Variants in FHIP2B observed in about 807,000 individuals in gnomAD.
The protein encoded by FHIP2B is FHF complex subunit HOOK interacting protein 2B, also known as FHF complex subunit HOOK-interacting protein 2B.
In FHIP2B, 72 loss-of-function variants were observed where a neutral mutation model predicts 84.0. That is an observed-to-expected ratio of 0.86 (90% CI 0.71 to 1.04). FHIP2B has a LOEUF of 1.04. Ranked by LOEUF, FHIP2B falls within the 50% of genes least tolerant of loss-of-function variation. The pLI is 0.00. For synonymous variants in FHIP2B, 497 were observed against 418.7 expected, an observed-to-expected ratio of 1.19 and a Z score of -2.28; for missense variants, 972 against 968.9, an observed-to-expected ratio of 1.00 and a Z score of -0.04.
intron 1 of FHIP2B, 135 bp downstream of exon 1, chr8:22,089,433 G>T (rs1586304053): frequency 5.6e-6 from 2 of 358,464 alleles, no homozygotes; most frequent in East Asian, 3.3e-4. Flanking sequence ...CCGGGCCGCG[G>T]CGCCCCTTCC....
chr8:22,089,911 G>T lies in FHIP2B; in HGVS notation c.45+613G>T, dbSNP rs116038426. 4,493 of 1,154,428 alleles carry T rather than the reference G, an allele frequency of 3.9e-3. 95 individuals carry two copies. The African/African-American group carries it at 0.059, about 15-fold the overall frequency. The allele number at this position is 1,154,428 out of a possible 1,614,324, so 71.5% of individuals were successfully genotyped here. The stretch of plus-strand genomic sequence containing the variant: ...AGCCGGGGAAATCGCCTTCTATTGG[G>T]TGCAGATGTTTCCAGCGTGGCTGTG... On this transcript the variant is annotated intron_variant, in intron 1 of 16. Transcript: ENST00000289921.
rs776802768 is a variant in FHIP2B at position 22,103,316 on chromosome 8, C to T, written c.*385C>T. On this transcript the variant is annotated 3_prime_UTR_variant, in exon 17 of 17. Transcript: ENST00000289921. ...GGGGAGTGAGCTGATGGCTCCGAGACTGGTCAGGAGCCCAGGCCAGTGAGA... is the reference window on the plus strand; with the variant it reads ...GGGGAGTGAGCTGATGGCTCCGAGATTGGTCAGGAGCCCAGGCCAGTGAGA... 1.0e-4 allele frequency: 20 copies of T among 197,658 alleles called. No homozygotes were observed. The highest frequency in any genetic ancestry group is 3.3e-4 in the Admixed American group (6 of 18,296). 12.2% of individuals were successfully genotyped at this position (197,658 alleles called of 1,614,324 possible). A position where few individuals can be genotyped will look rare whatever the true frequency, so the allele number is the denominator to read the frequency against.
chr8:22,102,758 C>T (rs753978864), intron 16 of FHIP2B, 35 bp from the exon 17 acceptor site: 30 of 1,610,138 alleles, frequency 1.9e-5, no homozygotes, highest in Non-Finnish European at 2.4e-5. Flanking sequence ...GTCCTGCCCC[C>T]ACCCAGCCAT....
At position 22,103,067 on chromosome 8, in the gene FHIP2B, T is replaced by C. The variant is rs1253073532; in HGVS notation, c.*136T>C. 5 of 1,150,472 alleles carry C rather than the reference T, an allele frequency of 4.3e-6. No individual in the cohort carries two copies. The East Asian group carries it at 7.8e-5, about 18-fold the overall frequency. 71.3% of individuals were successfully genotyped at this position (1,150,472 alleles called of 1,614,324 possible). A position where few individuals can be genotyped will look rare whatever the true frequency, so the allele number is the denominator to read the frequency against. ...CTCACTCAAGGAGACTGCGGCATGT[T>C]GACCACACCAGACTGGGTTTCAGGG... On this transcript the variant is annotated 3_prime_UTR_variant, in exon 17 of 17. Transcript: ENST00000289921.
At chr8:22,100,512 C>T in intron 10 of FHIP2B, 82 bp from the exon 11 acceptor site, 7 of 1,406,290 alleles carry the variant, frequency 5.0e-6, no homozygotes, top group Non-Finnish European at 6.5e-6. Context: ...GAGGTCTTTT[C>T]TTATCTGGGT....
At position 22,102,515 on chromosome 8, in the gene FHIP2B, A is replaced by G; in HGVS notation, c.1993-13A>G. 6.4e-7 allele frequency: 1 copy of G among 1,553,408 alleles called. No homozygotes were observed. Among genetic ancestry groups the G allele is most frequent in the African/African-American group, 1.4e-5 (1 of 73,240 alleles). ...GCTGGCCCCATCTGAGTCCCCTGTG[A>G]TTCCCGCTGTAGGTGATCGGGGACT... On this transcript the variant is annotated splice_polypyrimidine_tract_variant and intron_variant, in intron 15 of 16. Transcript: ENST00000289921.
At chr8:22,099,182 C>A in intron 8 of FHIP2B, 102 bp from the exon 9 acceptor site, 1 of 1,520,904 alleles carries the variant, frequency 6.6e-7, no homozygotes. Flanking sequence ...CCAGGCGGGC[C>A]GGGACCCTCT....
At chr8:22,102,411 G>GC (rs1554577693) in intron 15 of FHIP2B, 96 bp downstream of exon 15, 35 of 586,884 alleles carry the variant, frequency 6.0e-5, no homozygotes, top group Non-Finnish European at 1.0e-4. Flanking sequence ...GGAGGGGTGG[G>GC]CACCCTTGCC....
At chr8:22,100,081 TA>T (rs1195977289) in intron 10 of FHIP2B, 188 bp downstream of exon 10, 306 of 351,666 alleles carry the variant, frequency 8.7e-4, no homozygotes, top group Non-Finnish European at 1.1e-3. Flanking sequence ...TTTTTTTTTT[TA>T]AAGAGACAGG....
In FHIP2B at chr8:22,102,333, C is replaced by T. The variant is rs752371757; in HGVS notation, c.1992+18C>T. 2.5e-6 allele frequency: 4 copies of T among 1,609,044 alleles called. No homozygotes were observed. The South Asian group carries it at 3.3e-5, about 13-fold the overall frequency. ...TGGTGAGGGTGAGGACGCCTCGGCC[C>T]AAGGGAGTGTGCCTAGTGAGGTGGA... On this transcript the variant is annotated intron_variant, in intron 15 of 16. Transcript: ENST00000289921.
intron 8 of FHIP2B, 52 bp downstream of exon 8, chr8:22,099,108 T>A: frequency 6.6e-7 from 1 of 1,519,176 alleles, no homozygotes; most frequent in Non-Finnish European, 8.9e-7. Flanking sequence ...CTGTACCATC[T>A]CCATCTCGAG....
intron 1 of FHIP2B, among the ~76,000 whole-genome samples, chr8:22,093,885 T>A (rs571318315): frequency 6.6e-6 from 1 of 151,910 alleles, no homozygotes; most frequent in South Asian, 2.1e-4. Flanking sequence ...GTCCTGCTAG[T>A]TTTTAAATTG....
Position 22,100,594 on chromosome 8 carries a change from A to T in FHIP2B, c.1342A>T (p.Ile448Phe). The change falls in exon 11 of 17, where the codon ATC (isoleucine) becomes TTC (phenylalanine). Residue 448 changes from isoleucine (I) to phenylalanine (F), a missense_variant and splice_region_variant. Coordinates refer to ENST00000289921, the MANE Select transcript of FHIP2B (RefSeq NM_022749.7). ...IGHCDHLSDE[I>F]SITTLRLFEE... Reference sequence around the variant, plus strand: ...CCTGCCGACCCCCTTCCTGCTCCAGATCAGCATCACCACACTCCGGCTGTT... The same window carrying T: ...CCTGCCGACCCCCTTCCTGCTCCAGTTCAGCATCACCACACTCCGGCTGTT... The T allele has an allele frequency of 6.5e-7, 1 of 1,543,744 alleles. No homozygotes were observed. The highest frequency in any genetic ancestry group is 8.7e-7 in the Non-Finnish European group (1 of 1,145,494).
At chr8:22,101,966 C>G in intron 14 of FHIP2B, 115 bp downstream of exon 14, 1 of 1,506,654 alleles carries the variant, frequency 6.6e-7, no homozygotes, top group Non-Finnish European at 8.9e-7. Context: ...CACCCCTGTC[C>G]TTTCCCCAGG....
Position 22,100,611 on chromosome 8 carries a change from C to T in FHIP2B, c.1359C>T (p.Leu453=), listed in dbSNP as rs1360472038. The T allele has an allele frequency of 2.5e-6, 4 of 1,573,098 alleles. No homozygotes were observed. The highest frequency in any genetic ancestry group is 3.7e-5 in the Admixed American group (2 of 54,508). Residue 453 remains leucine, a synonymous_variant, in exon 11 of 17, where the codon CTC becomes CTT. Transcript: ENST00000289921. The part of the protein sequence containing the change: ...HLSDEISITT[L]RLFEELLQKP... The stretch of plus-strand genomic sequence containing the variant: ...TGCTCCAGATCAGCATCACCACACT[C>T]CGGCTGTTTGAGGAGCTGCTGCAGA...
At position 22,098,094 on chromosome 8, in the gene FHIP2B, A is replaced by G. The variant is rs373853188; in HGVS notation, c.552A>G (p.Lys184=). Residue 184 remains lysine, a synonymous_variant, in exon 6 of 17, where the codon AAA becomes AAG. Coordinates refer to ENST00000289921, the MANE Select transcript of FHIP2B (RefSeq NM_022749.7). ...GTAAAAAGATTGTAGGTAGGAAGAAAGCATGCGGAGAACCCACTGCCCTGC... is the reference window on the plus strand; with the variant it reads ...GTAAAAAGATTGTAGGTAGGAAGAAGGCATGCGGAGAACCCACTGCCCTGC... ...LEGKKIVGRK[K]ACGEPTALPK... is the part of the protein sequence containing the mutation. The G allele has an allele frequency of 6.3e-7, 1 of 1,591,760 alleles. No individual in the cohort carries two copies. The highest frequency in any genetic ancestry group is 1.3e-5 in the African/African-American group (1 of 74,448).
intron 3 of FHIP2B, chr8:22,096,914 C>T (rs767940825): frequency 4.6e-5 from 8 of 174,808 alleles, no homozygotes; most frequent in Non-Finnish European, 8.4e-5. Context: ...CATGGTGATG[C>T]GTGCCTGTAG....
Position 22,098,935 on chromosome 8 carries a change from C to T in FHIP2B, c.966-13C>T, listed in dbSNP as rs373245990. On this transcript the variant is annotated splice_polypyrimidine_tract_variant and intron_variant, in intron 7 of 16. Coordinates refer to ENST00000289921, the MANE Select transcript of FHIP2B (RefSeq NM_022749.7). ...TCTCCACTCTCTGAGACTTCACTCC[C>T]CTCTTCCTTCAGGTTACCCAGTGCC... 1 of 1,588,446 alleles carries T rather than the reference C, an allele frequency of 6.3e-7. No homozygotes were observed. The highest frequency in any genetic ancestry group is 8.6e-7 in the Non-Finnish European group (1 of 1,164,662).
At chr8:22,094,582 G>A (rs776996124) in intron 2 of FHIP2B, 64 bp downstream of exon 2, 3 of 1,600,376 alleles carry the variant, frequency 1.9e-6, no homozygotes, top group Admixed American at 1.7e-5. Flanking sequence ...AGTGTGCAGA[G>A]TGTCACCATT....
Sources: allele counts gnomAD v4.1 joint callset (sites outside exome capture counted in the v4.1 genomes callset), GRCh38; gene constraint gnomAD v4.1.1; transcripts MANE v1.5; gene names NCBI Gene and HGNC (gene_info 2026-07-23, HGNC 2026-07-21).